The following NRXN1 variants were observed in gnomAD, a reference collection of about 807,000 sequenced individuals.
NRXN1 encodes the protein neurexin 1.
In NRXN1, 39 loss-of-function variants were observed where a neutral mutation model predicts 150.9. That is an observed-to-expected ratio of 0.26 (90% CI 0.20 to 0.34). NRXN1 has a LOEUF of 0.34. Ranked by LOEUF, NRXN1 falls within the 10% of genes least tolerant of loss-of-function variation. The pLI is 1.00. For synonymous variants in NRXN1, 924 were observed against 757.0 expected (o/e 1.22, Z -3.62); for missense variants, 1,815 against 1,949.9 (o/e 0.93, Z 1.30).
chr2:49,987,244 C>T (rs1681081686), intron 21 of NRXN1, among the ~76,000 whole-genome samples: 1 of 151,862 alleles, frequency 6.6e-6, no homozygotes, highest in Admixed American at 6.6e-5. Flanking sequence ...CTCTTAGCTC[C>T]CACATATGAG....
At chr2:50,239,767 A>G (rs1366083055) in intron 17 of NRXN1, among the ~76,000 whole-genome samples, 8 of 139,678 alleles carry the variant, frequency 5.7e-5, no homozygotes, top group African/African-American at 2.1e-4. Flanking sequence ...GAAAAAGTTA[A>G]TTGGATGTCA....
At chr2:50,796,162 A>G (rs1232434844) in intron 5 of NRXN1, among the ~76,000 whole-genome samples, 2 of 152,166 alleles carry the variant, frequency 1.3e-5, no homozygotes, top group Non-Finnish European at 2.9e-5. Flanking sequence ...TGACTATAAC[A>G]GGGATTCTCA....
intron 19 of NRXN1, among the ~76,000 whole-genome samples, chr2:50,068,037 T>C (rs1048692191): frequency 6.6e-6 from 1 of 152,194 alleles, no homozygotes; most frequent in African/African-American, 2.4e-5. Context: ...ATACACAGTC[T>C]GATGTGGCCT....
intron 18 of NRXN1, among the ~76,000 whole-genome samples, chr2:50,130,078 G>T (rs1224980809): frequency 4.6e-5 from 7 of 152,132 alleles, no homozygotes; most frequent in African/African-American, 1.7e-4. Flanking sequence ...TTACAGATAA[G>T]AAAACCTAGA....
chr2:50,614,977 G>A (rs941684519), intron 8 of NRXN1, among the ~76,000 whole-genome samples: 1 of 152,088 alleles, frequency 6.6e-6, no homozygotes, highest in African/African-American at 2.4e-5. Context: ...ATTTCATTAA[G>A]GAATCAATCA....
chr2:50,499,221 T>C (rs1465180686), intron 13 of NRXN1, among the ~76,000 whole-genome samples: 1 of 152,344 alleles, frequency 6.6e-6, no homozygotes, highest in Admixed American at 6.5e-5. Flanking sequence ...AAAACTCCCC[T>C]GAACTGTACT....
chr2:50,205,451 T>C (rs889901459), intron 18 of NRXN1, among the ~76,000 whole-genome samples: 22 of 152,238 alleles, frequency 1.4e-4, no homozygotes, highest in African/African-American at 5.1e-4. Flanking sequence ...ACTCTAATAT[T>C]TTCACGGTAT....
intron 19 of NRXN1, among the ~76,000 whole-genome samples, chr2:50,082,116 C>T: frequency 6.6e-6 from 1 of 152,072 alleles, no homozygotes; most frequent in East Asian, 1.9e-4. Flanking sequence ...ACCTCATTTC[C>T]TAAAAGCTAG....
intron 2 of NRXN1, among the ~76,000 whole-genome samples, chr2:51,012,582 G>T (rs1668055311): frequency 6.6e-6 from 1 of 151,968 alleles, no homozygotes; most frequent in African/African-American, 2.4e-5. Context: ...CTTGTATTTA[G>T]GTTTCAAGCC....
chr2:50,083,176 C>T (rs1425583414), intron 19 of NRXN1, among the ~76,000 whole-genome samples: 1 of 152,114 alleles, frequency 6.6e-6, no homozygotes, highest in Non-Finnish European at 1.5e-5. Context: ...AGAACATTTC[C>T]ATAACTACAT....
At chr2:50,612,972 C>A (rs1055112060) in intron 8 of NRXN1, among the ~76,000 whole-genome samples, 1 of 152,190 alleles carries the variant, frequency 6.6e-6, no homozygotes, top group Non-Finnish European at 1.5e-5. Context: ...AGTAGAAGGA[C>A]TGAAATACAT....
intron 19 of NRXN1, among the ~76,000 whole-genome samples, chr2:50,072,923 C>G (rs1696520841): frequency 1.3e-5 from 2 of 152,138 alleles, no homozygotes; most frequent in Non-Finnish European, 2.9e-5. Flanking sequence ...AGAAATTAGA[C>G]ATAGCTTCAT....
chr2:50,719,477 C>G (rs1696333688), intron 5 of NRXN1, among the ~76,000 whole-genome samples: 2 of 151,988 alleles, frequency 1.3e-5, no homozygotes, highest in Non-Finnish European at 2.9e-5. Flanking sequence ...GAGTTCGAGA[C>G]CAGCCTGGCC....
chr2:49,995,379 A>G (rs1002333355), intron 21 of NRXN1, among the ~76,000 whole-genome samples: 1 of 152,208 alleles, frequency 6.6e-6, no homozygotes, highest in Non-Finnish European at 1.5e-5. Flanking sequence ...CTCTTTTCTG[A>G]GCCCTAAGTT....
At chr2:50,983,738 G>C (rs1025162868) in intron 2 of NRXN1, among the ~76,000 whole-genome samples, 1 of 152,046 alleles carries the variant, frequency 6.6e-6, no homozygotes, top group South Asian at 2.1e-4. Flanking sequence ...TTAATGAAAT[G>C]CATTATGTCC....
intron 17 of NRXN1, among the ~76,000 whole-genome samples, chr2:50,380,389 T>C (rs1192260413): frequency 7.9e-5 from 12 of 152,128 alleles, no homozygotes; most frequent in Non-Finnish European, 1.5e-5. Context: ...ACTGTCAAAA[T>C]GGTCCTAAGG....
At chr2:50,885,820 AACACACACACAC>A (rs57614861) in intron 5 of NRXN1, among the ~76,000 whole-genome samples, 5 of 143,852 alleles carry the variant, frequency 3.5e-5, no homozygotes, top group Admixed American at 7.1e-5. Context: ...TATTTCTATA[AACACACACACAC>A]ACACACACAC....
chr2:50,289,047 A>G (rs1358257996), intron 17 of NRXN1, among the ~76,000 whole-genome samples: 1 of 152,144 alleles, frequency 6.6e-6, no homozygotes, highest in Non-Finnish European at 1.5e-5. Flanking sequence ...ATGACCTAGT[A>G]GCAACTCACA....
intron 18 of NRXN1, among the ~76,000 whole-genome samples, chr2:50,144,025 C>T (rs570077117): frequency 2.4e-4 from 36 of 151,996 alleles, no homozygotes; most frequent in Middle Eastern, 3.4e-3. Context: ...CCTGTGAAAG[C>T]TACTGAAATA....
Sources: gnomAD v4.1 joint callset for allele counts (sites outside exome capture counted in the v4.1 genomes callset) on GRCh38, gnomAD v4.1.1 for gene constraint, MANE v1.5 for transcripts, NCBI Gene and HGNC (gene_info 2026-07-23, HGNC 2026-07-21) for gene names.